The following ARPC2 variants were observed in gnomAD, a reference collection of about 807,000 sequenced individuals.
The protein encoded by ARPC2 is actin related protein 2/3 complex subunit 2.
ARPC2 carries 4 observed loss-of-function variants against 38.6 expected under a neutral mutation model. The observed-to-expected ratio is 0.10, with a 90% CI of 0.05 to 0.24. The LOEUF is 0.24. Among genes scored for constraint, ARPC2 ranks in the 10% least tolerant of loss-of-function variants. The pLI is 1.00. For synonymous variants in ARPC2, 125 were observed against 140.8 expected (o/e 0.89, Z 0.79); for missense variants, 229 against 387.3 (o/e 0.59, Z 3.43).
intron 3 of ARPC2, 109 bp from the exon 4 acceptor site, chr2:218,228,629 C>A: frequency 1.8e-6 from 1 of 567,062 alleles, no homozygotes; most frequent in East Asian, 3.1e-5. Context: ...ATTTTACTTA[C>A]ATGCCTCCTT....
intron 2 of ARPC2, among the ~76,000 whole-genome samples, chr2:218,219,117 A>G (rs922081231): frequency 6.6e-6 from 1 of 152,238 alleles, no homozygotes; most frequent in Non-Finnish European, 1.5e-5. Context: ...CTGGGCGGTT[A>G]TAAGCTGATC....
intron 5 of ARPC2, among the ~76,000 whole-genome samples, chr2:218,237,013 T>C (rs1282152970): frequency 6.6e-6 from 1 of 152,138 alleles, no homozygotes; most frequent in Non-Finnish European, 1.5e-5. Context: ...TAATCAAGTG[T>C]TCCAGCCGGC....
chr2:218,252,769 C>T (rs545110449), intron 10 of ARPC2, among the ~76,000 whole-genome samples: 6 of 152,296 alleles, frequency 3.9e-5, no homozygotes, highest in Non-Finnish European at 2.9e-5. Flanking sequence ...GATTCCACAG[C>T]CAGCAGGCAG....
intron 3 of ARPC2, among the ~76,000 whole-genome samples, chr2:218,227,277 C>A (rs368006752): frequency 6.6e-6 from 1 of 151,556 alleles, no homozygotes; most frequent in South Asian, 2.1e-4. Context: ...AAGATAGAAC[C>A]GAAAAAGAGG....
intron 4 of ARPC2, 39 bp from the exon 5 acceptor site, chr2:218,234,313 G>A (rs1689716182): frequency 6.8e-7 from 1 of 1,476,126 alleles, no homozygotes; most frequent in South Asian, 1.2e-5. Flanking sequence ...ATGGCCTTTG[G>A]ATTAACGTAT....
chr2:218,229,584 A>G (rs1250394085), intron 4 of ARPC2, among the ~76,000 whole-genome samples: 1 of 152,284 alleles, frequency 6.6e-6, no homozygotes, highest in African/African-American at 2.4e-5. Flanking sequence ...CTGTTAAATG[A>G]AGATATAACC....
At chr2:218,217,618 TC>T in intron 2 of ARPC2, 74 bp downstream of exon 2, 1 of 1,427,476 alleles carries the variant, frequency 7.0e-7, no homozygotes, top group Non-Finnish European at 9.7e-7. Context: ...TGTTGTCCAG[TC>T]CCCCAGACCT....
At position 218,238,836 on chromosome 2, in the gene ARPC2, G is replaced by A. The variant is rs761202059; in HGVS notation, c.441G>A (p.Arg147=). The part of the protein sequence containing the change: ...EGENRAVIHY[R]DDETMYVESK... ...AGAACAGGGCAGTTATCCATTATAGGGATGATGAGACCATGTGAGTATAGA... is the reference window on the plus strand; with the variant it reads ...AGAACAGGGCAGTTATCCATTATAGAGATGATGAGACCATGTGAGTATAGA... Residue 147 remains arginine, a synonymous_variant, in exon 6 of 11, where the codon AGG becomes AGA. Coordinates refer to ENST00000315717, the MANE Select transcript of ARPC2 (RefSeq NM_152862.3). 3 of 1,612,770 alleles carry A rather than the reference G, an allele frequency of 1.9e-6. No homozygotes were observed. Among genetic ancestry groups the A allele is most frequent in the Non-Finnish European group, 2.5e-6 (3 of 1,179,112 alleles).
In ARPC2 at chr2:218,253,580, C is replaced by T. The variant is rs1308340629; in HGVS notation, c.879-311C>T. On this transcript the variant is annotated intron_variant, in intron 10 of 10. Transcript: ENST00000315717. Reference sequence around the variant, plus strand: ...TTGAGCCTAGTCGGAAATTCAGGTACGTCTAGGCCATCCAGAAATTGTGAA... The same window carrying T: ...TTGAGCCTAGTCGGAAATTCAGGTATGTCTAGGCCATCCAGAAATTGTGAA... 2.0e-5 allele frequency among the ~76,000 whole-genome samples: 3 copies of T among 152,286 alleles called. No homozygotes were observed. The East Asian group carries it at 5.8e-4, about 29-fold the overall frequency.
intron 2 of ARPC2, among the ~76,000 whole-genome samples, chr2:218,223,557 T>G (rs1264116324): frequency 1.3e-5 from 2 of 152,142 alleles, no homozygotes; most frequent in Non-Finnish European, 2.9e-5. Flanking sequence ...TTGGAACATA[T>G]CCCCCACAGA....
rs201264787 is a variant in ARPC2 at position 218,228,724 on chromosome 2, T to C, written c.110-14T>C. On this transcript the variant is annotated splice_polypyrimidine_tract_variant and intron_variant, in intron 3 of 10. Coordinates refer to ENST00000315717, the MANE Select transcript of ARPC2 (RefSeq NM_152862.3). ...TCCCAAATTGTTACGCAATCTTATT[T>C]GCTTTCCTCACAGATTTCGATGGGG... 1.5e-4 allele frequency: 224 copies of C among 1,490,720 alleles called. No individual in the cohort carries two copies. In the African/African-American group the frequency reaches 2.8e-3, roughly 19 times the overall value. The allele number at this position is 1,490,720 out of a possible 1,614,324, so 92.3% of individuals were successfully genotyped here. A position where few individuals can be genotyped will look rare whatever the true frequency, so the allele number is the denominator to read the frequency against.
rs1689783425 is a variant in ARPC2 at position 218,236,789 on chromosome 2, T to A, written c.269-1875T>A. ...CCTGGGCAATAAGAGTAAAACTCCATCTCAAAAAAAAAAAAATACAGATCT... is the reference window on the plus strand; with the variant it reads ...CCTGGGCAATAAGAGTAAAACTCCAACTCAAAAAAAAAAAAATACAGATCT... On this transcript the variant is annotated intron_variant, in intron 5 of 10. Coordinates refer to ENST00000315717, the MANE Select transcript of ARPC2 (RefSeq NM_152862.3). The A allele has an allele frequency of 2.6e-5, 3 of 117,002 alleles. 1 individual carries two copies. The South Asian group carries it at 1.0e-3, about 40-fold the overall frequency. The allele number at this position is 117,002 out of a possible 1,614,324, so 7.2% of individuals were successfully genotyped here.
intron 9 of ARPC2, 69 bp from the exon 10 acceptor site, chr2:218,249,751 TG>T (rs1690136919): frequency 2.8e-6 from 4 of 1,454,538 alleles, no homozygotes; most frequent in Non-Finnish European, 3.8e-6. Context: ...ATGACCTCTC[TG>T]ATGAAAGACA....
At chr2:218,236,077 A>T (rs542552913) in intron 5 of ARPC2, 2 of 125,778 alleles carry the variant, frequency 1.6e-5, no homozygotes, top group South Asian at 6.2e-4. Flanking sequence ...GCGACAGAGC[A>T]AGATTCAGTC....
At chr2:218,238,590 CTTTTT>C (rs34654904) in intron 5 of ARPC2, 69 bp from the exon 6 acceptor site, 20,034 of 420,578 alleles carry the variant, frequency 0.048, no homozygotes, top group South Asian at 0.071. Flanking sequence ...TAGTATGCTG[CTTTTT>C]TTTTTTTTTT....
At chr2:218,234,495 TTACA>T in intron 5 of ARPC2, 98 bp downstream of exon 5, 1 of 1,000,056 alleles carries the variant, frequency 1.0e-6, no homozygotes, top group Non-Finnish European at 1.5e-6. Context: ...TTAAATATTA[TTACA>T]AATATTTCTG....
chr2:218,253,946 A>C lies in ARPC2; in HGVS notation c.*31A>C. ...GGAATAAGAGGAGGAAGCGGCTGGC[A>C]ACTGAAGGCTGGAACACTTGCTACT... On this transcript the variant is annotated 3_prime_UTR_variant, in exon 11 of 11. Transcript: ENST00000315717. The C allele has an allele frequency of 1.9e-6, 3 of 1,613,744 alleles. No homozygotes were observed. Among genetic ancestry groups the C allele is most frequent in the Non-Finnish European group, 2.5e-6 (3 of 1,179,814 alleles).
At chr2:218,234,292 A>G in intron 4 of ARPC2, 60 bp from the exon 5 acceptor site, 1 of 1,362,084 alleles carries the variant, frequency 7.3e-7, no homozygotes, top group Non-Finnish European at 1.0e-6. Context: ...TTTAAAAATA[A>G]TGAAATTATC....
intron 7 of ARPC2, 59 bp downstream of exon 7, chr2:218,239,543 A>G (rs1689858721): frequency 2.2e-6 from 3 of 1,368,716 alleles, no homozygotes; most frequent in Non-Finnish European, 3.1e-6. Flanking sequence ...TTTGCACCCA[A>G]ACATACCATG....
Sources: allele counts gnomAD v4.1 joint callset (sites outside exome capture counted in the v4.1 genomes callset), GRCh38; gene constraint gnomAD v4.1.1; transcripts MANE v1.5; gene names NCBI Gene and HGNC (gene_info 2026-07-23, HGNC 2026-07-21).